The following IL1RAPL1 variants were observed in gnomAD, a reference collection of about 807,000 sequenced individuals.
The protein encoded by IL1RAPL1 is interleukin 1 receptor accessory protein like 1, also known as interleukin-1 receptor accessory protein-like 1.
In IL1RAPL1, 3 loss-of-function variants were observed where a neutral mutation model predicts 48.4. The ratio of observed to expected loss-of-function variants is 0.06; its 90% CI spans 0.03 to 0.16. The LOEUF (loss-of-function observed/expected upper bound fraction) is 0.16. IL1RAPL1 is among the 10% of genes least tolerant of loss of function. The pLI is 1.00. For missense variants in IL1RAPL1, 349 were observed against 530.6 expected, an observed-to-expected ratio of 0.66 and a Z score of 3.36; for synonymous variants, 185 against 187.7, an observed-to-expected ratio of 0.99 and a Z score of 0.12.
At chrX:29,841,617 A>G (rs377341506) in intron 6 of IL1RAPL1, among the ~76,000 whole-genome samples, 7 of 111,783 alleles carry the variant, frequency 6.3e-5, no homozygotes, top group African/African-American at 2.3e-4. Context: ...ATGATAAACC[A>G]TGATCCCTGT....
chrX:29,497,202 G>A (rs1251030045), intron 5 of IL1RAPL1, among the ~76,000 whole-genome samples: 1 of 112,027 alleles, frequency 8.9e-6, no homozygotes, highest in Non-Finnish European at 1.9e-5. Context: ...TTGTCAGTTA[G>A]ATGTAAAATT....
At chrX:29,684,134 T>C (rs778421620) in intron 6 of IL1RAPL1, among the ~76,000 whole-genome samples, 1 of 111,793 alleles carries the variant, frequency 8.9e-6, no homozygotes, top group Non-Finnish European at 1.9e-5. Context: ...ACACCTACTA[T>C]GTACCCACAA....
chrX:29,913,337 A>G (rs1326336009), intron 6 of IL1RAPL1, among the ~76,000 whole-genome samples: 1 of 104,774 alleles, frequency 9.5e-6, no homozygotes, highest in Non-Finnish European at 2.0e-5. Context: ...TTCTGCCTAT[A>G]TTGAGAAGCA....
chrX:28,646,401 G>A (rs1359630506), intron 1 of IL1RAPL1, among the ~76,000 whole-genome samples: 1 of 112,080 alleles, frequency 8.9e-6, no homozygotes, highest in Non-Finnish European at 1.9e-5. Context: ...GAGGACCCCT[G>A]TTCTAGACAT....
chrX:29,450,600 C>T (rs1203446837), intron 5 of IL1RAPL1, among the ~76,000 whole-genome samples: 3 of 111,595 alleles, frequency 2.7e-5, no homozygotes, highest in Non-Finnish European at 1.9e-5. Context: ...TACTAGCAAG[C>T]AGTAGTAATA....
intron 2 of IL1RAPL1, among the ~76,000 whole-genome samples, chrX:29,224,455 A>G (rs939188831): frequency 9.0e-6 from 1 of 111,465 alleles, no homozygotes; most frequent in East Asian, 2.8e-4. Context: ...AAAGTAGACA[A>G]AAGTTGCTTG....
intron 2 of IL1RAPL1, among the ~76,000 whole-genome samples, chrX:28,998,141 A>T (rs1925764161): frequency 8.9e-6 from 1 of 111,853 alleles, no homozygotes; most frequent in South Asian, 3.7e-4. Context: ...AAAAAACACA[A>T]ATAAGCCAAT....
At chrX:29,200,032 C>T (rs1930523769) in intron 2 of IL1RAPL1, among the ~76,000 whole-genome samples, 1 of 111,143 alleles carries the variant, frequency 9.0e-6, no homozygotes. Context: ...TCAGGATATA[C>T]CCATGGCTGT....
chrX:29,133,565 A>G (rs1929066356), intron 2 of IL1RAPL1, among the ~76,000 whole-genome samples: 1 of 111,910 alleles, frequency 8.9e-6, no homozygotes, highest in Non-Finnish European at 1.9e-5. Flanking sequence ...AAAAGTACAG[A>G]GAGTTCCTAT....
intron 1 of IL1RAPL1, among the ~76,000 whole-genome samples, chrX:28,646,779 TG>T (rs1934616958): frequency 8.9e-6 from 1 of 112,590 alleles, no homozygotes; most frequent in African/African-American, 3.2e-5. Flanking sequence ...TATTCCCAAC[TG>T]TTACTCCTTT....
In IL1RAPL1 at chrX:29,802,826, TATAC is replaced by T. The variant is rs1178970235; in HGVS notation, c.779-114634_779-114631del. 1.8e-3 allele frequency among the ~76,000 whole-genome samples: 134 copies of T among 72,447 alleles called. 5 individuals are homozygous for T. The highest frequency in any genetic ancestry group is 7.3e-3 in the African/African-American group (120 of 16,540). 62.9% of individuals were successfully genotyped at this position (72,447 alleles called of 115,157 possible). A position where few individuals can be genotyped will look rare whatever the true frequency, so the allele number is the denominator to read the frequency against. Reference sequence around the variant, plus strand: ...ATATATATATGTGTGTATATATATGTATACATATATGTATACATATATGTGTATA... The same window carrying T: ...ATATATATATGTGTGTATATATATGTATATATGTATACATATATGTGTATA... On this transcript the variant is annotated intron_variant, in intron 6 of 10. Coordinates refer to ENST00000378993, the MANE Select transcript of IL1RAPL1 (RefSeq NM_014271.4).
intron 3 of IL1RAPL1, among the ~76,000 whole-genome samples, chrX:29,319,152 A>ATCTATCTATCTG (rs368138032): frequency 0.01 from 775 of 74,046 alleles, 11 homozygotes; most frequent in African/African-American, 0.037. Context: ...ATATCTGTCT[A>ATCTATCTATCTG]TCTGTCTGTC....
chrX:29,726,065 T>G (rs1927768643), intron 6 of IL1RAPL1, among the ~76,000 whole-genome samples: 1 of 112,280 alleles, frequency 8.9e-6, no homozygotes, highest in Non-Finnish European at 1.9e-5. Flanking sequence ...TGATGAGATA[T>G]CTGGTTACTT....
chrX:29,391,400 AT>A (rs1212325166), intron 3 of IL1RAPL1, among the ~76,000 whole-genome samples: 10 of 109,327 alleles, frequency 9.1e-5, no homozygotes, highest in East Asian at 2.9e-4. Flanking sequence ...ACTGAATCAG[AT>A]TTTTTTTTTC....
chrX:29,802,771 A>G (rs868403240), intron 6 of IL1RAPL1, among the ~76,000 whole-genome samples: 610 of 29,585 alleles, frequency 0.021, 19 homozygotes, highest in Non-Finnish European at 0.023. Context: ...ATATATATAT[A>G]TATATATATA....
At chrX:29,180,046 C>G (rs917851555) in intron 2 of IL1RAPL1, among the ~76,000 whole-genome samples, 3 of 106,679 alleles carry the variant, frequency 2.8e-5, no homozygotes, top group African/African-American at 1.0e-4. Flanking sequence ...AAAAAAAAAT[C>G]TACTTTAGGC....
At chrX:29,865,946 G>A (rs928704082) in intron 6 of IL1RAPL1, among the ~76,000 whole-genome samples, 2 of 109,820 alleles carry the variant, frequency 1.8e-5, no homozygotes, top group Admixed American at 9.8e-5. Context: ...CACTGTGCCC[G>A]GCCACATATG....
intron 2 of IL1RAPL1, among the ~76,000 whole-genome samples, chrX:29,136,085 C>T (rs754316041): frequency 9.1e-6 from 1 of 109,380 alleles, no homozygotes; most frequent in South Asian, 3.9e-4. Context: ...CGTAATGTCA[C>T]TGCATAGTCA....
chrX:29,915,871 G>A (rs1179133708), intron 6 of IL1RAPL1, among the ~76,000 whole-genome samples: 1 of 80,461 alleles, frequency 1.2e-5, no homozygotes, highest in Non-Finnish European at 2.4e-5. Flanking sequence ...CTAGCATTAG[G>A]TATATCTCCC....
Sources: gnomAD v4.1 joint callset for allele counts (sites outside exome capture counted in the v4.1 genomes callset) on GRCh38, gnomAD v4.1.1 for gene constraint, MANE v1.5 for transcripts, NCBI Gene and HGNC (gene_info 2026-07-23, HGNC 2026-07-21) for gene names.